The following SV2B variants were observed in gnomAD, a reference collection of about 807,000 sequenced individuals.
The protein encoded by SV2B is synaptic vesicle glycoprotein 2B, also known as solute carrier family 22 member B2.
Under a neutral mutation model 73.9 loss-of-function variants are expected in SV2B, and 41 were observed. The observed-to-expected ratio is 0.56, with a 90% confidence interval of 0.43 to 0.72. The LOEUF (loss-of-function observed/expected upper bound fraction) is 0.72, where lower values mean the gene tolerates loss of function less well. Ranked by LOEUF, SV2B falls within the 30% of genes least tolerant of loss-of-function variation. The probability of loss-of-function intolerance (pLI) is 0.00; values close to 1 mark genes in which losing one functional copy is unlikely to be tolerated. For missense variants in SV2B, 764 were observed against 857.8 expected (o/e 0.89, Z 1.37); for synonymous variants, 314 against 314.2 (o/e 1.00, Z 0.01).
rs1324594189 is a variant in SV2B, at chr15:91,295,518, A to G, written c.*2966A>G. ...AGAAACATTGAGAATCGCTTCCTTC[A>G]ACTTTTATTTTGCAACATGGGGACC... On this transcript the variant is annotated 3_prime_UTR_variant, in exon 13 of 13. Transcript: ENST00000394232. 1 of 152,178 alleles carries G rather than the reference A, an allele frequency of 6.6e-6. No homozygotes were observed. The highest frequency in any genetic ancestry group is 2.4e-5 in the African/African-American group (1 of 41,436). 9.4% of individuals were successfully genotyped at this position (152,178 alleles called of 1,614,324 possible).
intron 2 of SV2B, among the ~76,000 whole-genome samples, chr15:91,228,676 A>T (rs79269053): frequency 0.012 from 1,896 of 152,284 alleles, 50 homozygotes; most frequent in East Asian, 0.12. Context: ...ACATGGTCTT[A>T]ATCTGAGAGT....
intron 4 of SV2B, among the ~76,000 whole-genome samples, chr15:91,257,111 C>T (rs1228886476): frequency 6.6e-6 from 1 of 152,148 alleles, no homozygotes; most frequent in African/African-American, 2.4e-5. Flanking sequence ...TTTATAACCT[C>T]GGCTCTATTT....
chr15:91,132,048 CT>C lies in SV2B; in HGVS notation c.-392+31687del, dbSNP rs777581048. Among the ~76,000 whole-genome samples the C allele has an allele frequency of 3.0e-4, 45 of 152,270 alleles. No individual in the cohort carries two copies. The highest frequency in any genetic ancestry group is 5.4e-4 in the Non-Finnish European group (37 of 68,006). On this transcript the variant is annotated intron_variant, in intron 1 of 12. Transcript: ENST00000394232. The surrounding 1 kb of genome is among the most constrained non-coding windows in gnomAD (Gnocchi z 4.6). ...GTCGTGACTGCAAGTTATTGAGGTT[CT>C]TGGTGTTTTGAACAAAGAATGGGAC...
At chr15:91,114,088 G>T (rs1003557767) in intron 1 of SV2B, among the ~76,000 whole-genome samples, 2 of 150,436 alleles carry the variant, frequency 1.3e-5, no homozygotes, top group Non-Finnish European at 2.9e-5. Context: ...GGAGGCTGAG[G>T]CAGGAGAATG....
At chr15:91,114,257 G>A (rs1464891091) in intron 1 of SV2B, among the ~76,000 whole-genome samples, 6 of 151,328 alleles carry the variant, frequency 4.0e-5, no homozygotes, top group Non-Finnish European at 8.8e-5. Context: ...AGGTGTTAGA[G>A]GAACATGGAG....
rs1243981320 is a variant in SV2B at position 91,197,369 on chromosome 15, C to CA, written c.-391-28503dup. Among the ~76,000 whole-genome samples, 1 of 151,960 alleles carries CA rather than the reference C, an allele frequency of 6.6e-6. No homozygotes were observed. Among genetic ancestry groups the CA allele is most frequent in the African/African-American group, 2.4e-5 (1 of 41,392 alleles). ...TCAGCCTCCCGAGTAGCTGGGATTA[C>CA]AGGGGTCCGCCACCACACCTGTTTT... On this transcript the variant is annotated intron_variant, in intron 1 of 12. Coordinates refer to ENST00000394232, the MANE Select transcript of SV2B (RefSeq NM_001323032.3). This position sits in a 1 kb window ranked among gnomAD's most constrained non-coding sequence, Gnocchi z 4.9.
In SV2B at chr15:91,261,098, T is replaced by C. The variant is rs532442099; in HGVS notation, c.1008+689T>C. On this transcript the variant is annotated intron_variant, in intron 6 of 12. Coordinates refer to ENST00000394232, the MANE Select transcript of SV2B (RefSeq NM_001323032.3). This position sits in a 1 kb window ranked among gnomAD's most constrained non-coding sequence, Gnocchi z 4.7. ...CAACATGGCAAAACCCCATGTCTACTAAAAATACAAAAAAATCAGCTGGGC... is the reference window on the plus strand; with the variant it reads ...CAACATGGCAAAACCCCATGTCTACCAAAAATACAAAAAAATCAGCTGGGC... Among the ~76,000 whole-genome samples the C allele has an allele frequency of 1.3e-5, 2 of 152,126 alleles. No individual in the cohort carries two copies. The highest frequency in any genetic ancestry group is 3.9e-4 in the East Asian group (2 of 5,170).
At position 91,251,917 on chromosome 15, in the gene SV2B, G is replaced by C. The variant is rs143979505; in HGVS notation, c.550G>C (p.Val184Leu). The change falls in exon 3 of 13, where the codon GTC (valine) becomes CTC (leucine). Residue 184 changes from valine to leucine, a missense_variant. By Grantham distance (32) the Val-to-Leu change is conservative. Coordinates refer to ENST00000394232, the MANE Select transcript of SV2B (RefSeq NM_001323032.3). ...GCGAGTCCTCAGCATGTCTCTGGCC[G>C]TCAATGCCTCCTTCGCCTCCCTCTC... Reference protein sequence around the residue: ...RKRVLSMSLAVNASFASLSSF... With the variant: ...RKRVLSMSLALNASFASLSSF... 1.2e-6 allele frequency: 2 copies of C among 1,614,026 alleles called. No homozygotes were observed. The highest frequency in any genetic ancestry group is 2.7e-5 in the African/African-American group (2 of 74,904).
rs565186776 is a variant in SV2B at position 91,122,499 on chromosome 15, C to T, written c.-392+22136C>T. On this transcript the variant is annotated intron_variant, in intron 1 of 12. Coordinates refer to ENST00000394232, the MANE Select transcript of SV2B (RefSeq NM_001323032.3). The surrounding 1 kb of genome is among the most constrained non-coding windows in gnomAD (Gnocchi z 4.3). ...TAAGCCATTTGGACACCTCACCCTG[C>T]TTCTCCTTCTCTGCCAACATGCATG... is the stretch of plus-strand genomic sequence containing the variant. Among the ~76,000 whole-genome samples the T allele has an allele frequency of 6.6e-6, 1 of 152,220 alleles. No homozygotes were observed. Among genetic ancestry groups the T allele is most frequent in the Non-Finnish European group, 1.5e-5 (1 of 68,048 alleles).
At chr15:91,225,483 C>G (rs1343462084) in intron 1 of SV2B, among the ~76,000 whole-genome samples, 1 of 152,124 alleles carries the variant, frequency 6.6e-6, no homozygotes, top group East Asian at 1.9e-4. Flanking sequence ...GTATAAATCC[C>G]TTGACCACTT....
rs1288321106 is a variant in SV2B at position 91,289,559 on chromosome 15, C to G, written c.1747C>G (p.Leu583Val). 6.2e-7 allele frequency: 1 copy of G among 1,614,204 alleles called. No individual in the cohort carries two copies. Among genetic ancestry groups the G allele is most frequent in the Non-Finnish European group, 8.5e-7 (1 of 1,180,044 alleles). ...MLISAVCCFFLFFGNSESAMI... is the reference protein window; with the variant it reads ...MLISAVCCFFVFFGNSESAMI... ...AATCTCTGCAGTCTGCTGCTTCTTC[C>G]TGTTTTTTGGCAACAGTGAGTCTGC... Residue 583 changes from leucine (L) to valine (V), a missense_variant, in exon 12 of 13, where the codon CTG becomes GTG. Leu to Val is a conservative substitution (Grantham distance 32). Coordinates refer to ENST00000394232, the MANE Select transcript of SV2B (RefSeq NM_001323032.3). The surrounding 1 kb of genome is among the most constrained non-coding windows in gnomAD (Gnocchi z 4.9).
chr15:91,129,463 G>T lies in SV2B; in HGVS notation c.-392+29100G>T, dbSNP rs185770995. Among the ~76,000 whole-genome samples the T allele has an allele frequency of 2.3e-3, 350 of 152,298 alleles. 3 individuals are homozygous for T. The highest frequency in any genetic ancestry group is 8.0e-3 in the African/African-American group (331 of 41,570). ...AGGCTGAGTCAAGTGCAATGGTGGG[G>T]ATCAGCAAAGATGTATGTCTTGGAA... On this transcript the variant is annotated intron_variant, in intron 1 of 12. Transcript: ENST00000394232. The surrounding 1 kb of genome is among the most constrained non-coding windows in gnomAD (Gnocchi z 5.1).
chr15:91,167,781 C>T (rs537166082), intron 1 of SV2B, among the ~76,000 whole-genome samples: 1 of 152,282 alleles, frequency 6.6e-6, no homozygotes, highest in Admixed American at 6.5e-5. Flanking sequence ...CTTTATCCTA[C>T]CACAAATTAC....
rs4932523 is a variant in SV2B at position 91,295,570 on chromosome 15, A to G, written c.*3018A>G. On this transcript the variant is annotated 3_prime_UTR_variant, in exon 13 of 13. Transcript: ENST00000394232. ...TGAGAGGTTAAACGATGTGGCCCAG[A>G]TTACATGTAATGTGAGGAGTGGGCG... 151,215 of 152,264 alleles carry G rather than the reference A, an allele frequency of 0.99. 75,134 individuals are homozygous for G. Among genetic ancestry groups the G allele is most frequent in the Middle Eastern group, 1 (294 of 294 alleles). 9.4% of individuals were successfully genotyped at this position (152,264 alleles called of 1,614,324 possible).
rs6496779 is a variant in SV2B at position 91,240,173 on chromosome 15, A to G, written c.452-11646A>G. Among the ~76,000 whole-genome samples the G allele has an allele frequency of 0.38, 57,656 of 152,066 alleles. 15,251 individuals carry two copies. The highest frequency in any genetic ancestry group is 0.76 in the African/African-American group (31,301 of 41,438). ...TATTGCAGGCACAAGGTTTTTAAAGATAGGCTGTTTGACTTCATATCTTGG... is the reference window on the plus strand; with the variant it reads ...TATTGCAGGCACAAGGTTTTTAAAGGTAGGCTGTTTGACTTCATATCTTGG... On this transcript the variant is annotated intron_variant, in intron 2 of 12. Transcript: ENST00000394232. The surrounding 1 kb of genome is among the most constrained non-coding windows in gnomAD (Gnocchi z 4.6).
chr15:91,255,040 G>A (rs2047634071), intron 4 of SV2B, among the ~76,000 whole-genome samples: 1 of 152,198 alleles, frequency 6.6e-6, no homozygotes, highest in Non-Finnish European at 1.5e-5. Context: ...GGAGCTATGG[G>A]TAGGGTCAGT....
chr15:91,253,579 G>A lies in SV2B; in HGVS notation c.784+1059G>A, dbSNP rs917879719. Among the ~76,000 whole-genome samples, 1 of 152,228 alleles carries A rather than the reference G, an allele frequency of 6.6e-6. No individual in the cohort carries two copies. The highest frequency in any genetic ancestry group is 2.4e-5 in the African/African-American group (1 of 41,444). On this transcript the variant is annotated intron_variant, in intron 4 of 12. Transcript: ENST00000394232. The surrounding 1 kb of genome is among the most constrained non-coding windows in gnomAD (Gnocchi z 5.0). ...AGTGAAAGCTTCTCCCTTATGTGAG[G>A]TCCGGCTGGCATTTCTAATCTGCAG...
Position 91,288,868 on chromosome 15 carries a change from G to A in SV2B, c.1709-653G>A, listed in dbSNP as rs1047231225. On this transcript the variant is annotated intron_variant, in intron 11 of 12. Transcript: ENST00000394232. This position sits in a 1 kb window ranked among gnomAD's most constrained non-coding sequence, Gnocchi z 5.8. ...ACTTTTTGTCTTTTTCGTAGAGACA[G>A]TGTTTTATCATGTTGGTCAGGCTGG... Among the ~76,000 whole-genome samples, 2 of 152,128 alleles carry A rather than the reference G, an allele frequency of 1.3e-5. No homozygotes were observed. The highest frequency in any genetic ancestry group is 4.8e-5 in the African/African-American group (2 of 41,404).
intron 2 of SV2B, among the ~76,000 whole-genome samples, chr15:91,238,195 A>T (rs1426622446): frequency 6.6e-6 from 1 of 152,174 alleles, no homozygotes. Context: ...TCTAATTTAA[A>T]ATCAAATTAT....
Sources: gnomAD v4.1 joint callset for allele counts (sites outside exome capture counted in the v4.1 genomes callset) on GRCh38, gnomAD v4.1.1 for gene constraint, Gnocchi (gnomAD v3.1) non-coding constraint, MANE v1.5 for transcripts, NCBI Gene and HGNC (gene_info 2026-07-23, HGNC 2026-07-21) for gene names.